The following LRRK2 variants were observed in gnomAD, a reference collection of about 807,000 sequenced individuals.
The protein encoded by LRRK2 is leucine rich repeat kinase 2, also known as leucine-rich repeat serine/threonine-protein kinase 2.
In LRRK2, 203 loss-of-function variants were observed where a neutral mutation model predicts 302.6. The ratio of observed to expected loss-of-function variants is 0.67; its 90% confidence interval spans 0.60 to 0.75. The LOEUF (loss-of-function observed/expected upper bound fraction) is 0.75. Among genes scored for constraint, LRRK2 ranks in the 30% least tolerant of loss-of-function variants. The probability of loss-of-function intolerance (pLI) is 0.00; values close to 1 mark genes in which losing one functional copy is unlikely to be tolerated. For synonymous variants in LRRK2, 1,066 were observed against 1,031.9 expected, an observed-to-expected ratio of 1.03 and a Z score of -0.63; for missense variants, 2,830 against 2,951.0, an observed-to-expected ratio of 0.96 and a Z score of 0.95.
intron 13 of LRRK2, 24 bp downstream of exon 13, chr12:40,259,628 G>C: frequency 1.2e-6 from 2 of 1,612,178 alleles, no homozygotes; most frequent in Non-Finnish European, 1.7e-6. Context: ...TTGATTGTGG[G>C]AAGAGATAAC....
chr12:40,267,398 T>C (rs1015825979), intron 14 of LRRK2, among the ~76,000 whole-genome samples: 5 of 152,104 alleles, frequency 3.3e-5, no homozygotes, highest in African/African-American at 1.2e-4. Flanking sequence ...TTTAAGTACG[T>C]AGAGGAGGGA....
chr12:40,263,682 C>T, intron 13 of LRRK2, 107 bp from the exon 14 acceptor site: 2 of 761,252 alleles, frequency 2.6e-6, no homozygotes, highest in Non-Finnish European at 4.4e-6. Flanking sequence ...AAAAGTACAA[C>T]ACATATATTG....
At chr12:40,243,809 C>A in intron 7 of LRRK2, 128 bp downstream of exon 7, 1 of 940,496 alleles carries the variant, frequency 1.1e-6, no homozygotes, top group South Asian at 1.5e-5. Flanking sequence ...TTGTAAAATC[C>A]CAGAAAAAAT....
At chr12:40,256,641 G>A (rs571009542) in intron 11 of LRRK2, among the ~76,000 whole-genome samples, 2 of 152,218 alleles carry the variant, frequency 1.3e-5, no homozygotes, top group East Asian at 3.9e-4. Flanking sequence ...TGTATATGAT[G>A]GCATATATAG....
Position 40,302,512 on chromosome 12 carries a change from T to G in LRRK2, c.3497-277T>G, listed in dbSNP as rs111985325. On this transcript the variant is annotated intron_variant, in intron 25 of 50. Transcript: ENST00000298910. The stretch of plus-strand genomic sequence containing the variant: ...TAATTTGAAATGAATATTCTAGGAA[T>G]TTTTACTTTGTACAAATGTTGGGTA... Among the ~76,000 whole-genome samples the G allele has an allele frequency of 0.013, 1,936 of 152,252 alleles. 47 individuals carry two copies. The highest frequency in any genetic ancestry group is 0.044 in the African/African-American group (1,838 of 41,566).
At chr12:40,227,106 T>A (rs1333351883) in intron 2 of LRRK2, among the ~76,000 whole-genome samples, 3 of 152,184 alleles carry the variant, frequency 2.0e-5, no homozygotes, top group Non-Finnish European at 4.4e-5. Context: ...TCACTTAGTA[T>A]TTCTGCCTAG....
chr12:40,240,463 T>C lies in LRRK2; in HGVS notation c.572-20T>C, dbSNP rs779427065. On this transcript the variant is annotated intron_variant, in intron 5 of 50. Coordinates refer to ENST00000298910, the MANE Select transcript of LRRK2 (RefSeq NM_198578.4). Reference sequence around the variant, plus strand: ...ATATCATCTTTAAGCTTATTCAGTATTTTGTCTTTCATTTTTAAGTCTCAG... The same window carrying C: ...ATATCATCTTTAAGCTTATTCAGTACTTTGTCTTTCATTTTTAAGTCTCAG... 1.2e-6 allele frequency: 2 copies of C among 1,606,856 alleles called. No individual in the cohort carries two copies. The highest frequency in any genetic ancestry group is 4.5e-5 in the East Asian group (2 of 44,704).
intron 40 of LRRK2, among the ~76,000 whole-genome samples, chr12:40,338,623 C>A (rs1431288380): frequency 1.3e-5 from 2 of 152,150 alleles, no homozygotes; most frequent in Admixed American, 6.5e-5. Flanking sequence ...AACTGCACTT[C>A]TTAAGATTAA....
At chr12:40,229,264 A>G (rs1281027806) in intron 2 of LRRK2, among the ~76,000 whole-genome samples, 1 of 152,162 alleles carries the variant, frequency 6.6e-6, no homozygotes, top group African/African-American at 2.4e-5. Flanking sequence ...AAAAACTCTT[A>G]ATGATAAATT....
chr12:40,307,071 T>C (rs1944850895), intron 28 of LRRK2, among the ~76,000 whole-genome samples: 1 of 151,172 alleles, frequency 6.6e-6, no homozygotes, highest in Admixed American at 6.6e-5. Context: ...ATTTAATATA[T>C]AACTAAATAT....
rs777298637 is a variant in LRRK2, at chr12:40,310,497, C to T, written c.4384C>T (p.Arg1462Cys). The T allele has an allele frequency of 1.5e-5, 24 of 1,612,568 alleles. No individual in the cohort carries two copies. Among genetic ancestry groups the T allele is most frequent in the African/African-American group, 4.0e-5 (3 of 74,400 alleles). Residue 1462 changes from arginine (R) to cysteine (C), a missense_variant, in exon 31 of 51, where the codon CGC (arginine) becomes TGC (cysteine). Around this residue, in one of 3 missense-constraint regions of LRRK2, gnomAD observed 2,121 missense variants for 2,148.0 expected, o/e 0.99. Transcript: ENST00000298910. The part of the protein sequence containing the change: ...THLDVSDEKQ[R>C]KACMSKITKE... Reference sequence around the variant, plus strand: ...TTTGGATGTTTCTGATGAGAAGCAACGCAAAGCCTGCATGAGTAAAATCAC... The same window carrying T: ...TTTGGATGTTTCTGATGAGAAGCAATGCAAAGCCTGCATGAGTAAAATCAC...
chr12:40,348,537 G>A, intron 43 of LRRK2, 28 bp downstream of exon 43: 4 of 1,439,084 alleles, frequency 2.8e-6, no homozygotes, highest in Non-Finnish European at 3.9e-6. Context: ...TTAATATTTT[G>A]TACAGAACAT....
chr12:40,287,666 C>G (rs1157014786), intron 20 of LRRK2, 127 bp downstream of exon 20: 2 of 915,918 alleles, frequency 2.2e-6, no homozygotes, highest in Non-Finnish European at 3.3e-6. Flanking sequence ...TTTATTATCG[C>G]AAACAGTTAA....
intron 47 of LRRK2, among the ~76,000 whole-genome samples, chr12:40,360,234 G>A (rs998221308): frequency 6.6e-6 from 1 of 151,912 alleles, no homozygotes; most frequent in African/African-American, 2.4e-5. Flanking sequence ...TTAATATATG[G>A]ATCTTAATTA....
chr12:40,290,674 G>A (rs73263894), intron 20 of LRRK2, among the ~76,000 whole-genome samples: 1 of 152,032 alleles, frequency 6.6e-6, no homozygotes, highest in African/African-American at 2.4e-5. Context: ...AAATTTATTT[G>A]TTTAATGTTA....
At chr12:40,239,225 ACT>A (rs1316174022) in intron 5 of LRRK2, among the ~76,000 whole-genome samples, 1 of 152,150 alleles carries the variant, frequency 6.6e-6, no homozygotes, top group Non-Finnish European at 1.5e-5. Context: ...AGCGAGAGTG[ACT>A]CTGTCAAAAG....
chr12:40,240,626 C>G lies in LRRK2; in HGVS notation c.706+9C>G, dbSNP rs116460050. The G allele has an allele frequency of 6.2e-7, 1 of 1,611,214 alleles. No homozygotes were observed. The highest frequency in any genetic ancestry group is 1.3e-5 in the African/African-American group (1 of 74,936). ...TTCCCTAGCGATTCCTTGTAAGTAG[C>G]ATTTAAATGTTATTTATTTTTTGTA... On this transcript the variant is annotated intron_variant, in intron 6 of 50. Coordinates refer to ENST00000298910, the MANE Select transcript of LRRK2 (RefSeq NM_198578.4).
rs755075477 is a variant in LRRK2 at position 40,367,733 on chromosome 12, G to A, written c.7552G>A (p.Ala2518Thr). 12 of 1,604,796 alleles carry A rather than the reference G, an allele frequency of 7.5e-6. No homozygotes were observed. The highest frequency in any genetic ancestry group is 1.0e-5 in the Non-Finnish European group (12 of 1,174,708). ...ACACATTGAAGTGAGAAAAGAATTA[G>A]CTGAAAAAATGAGACGAACATCTGT... Reference protein sequence around the residue: ...EKHIEVRKELAEKMRRTSVE With the variant: ...EKHIEVRKELTEKMRRTSVE Residue 2518 changes from alanine (A) to threonine (T), a missense_variant, in exon 51 of 51, where the codon GCT (alanine) becomes ACT (threonine). Physicochemically the swap from Ala to Thr is moderately conservative, Grantham distance 58. Around this residue, in one of 3 missense-constraint regions of LRRK2, gnomAD observed 456 missense variants for 456.3 expected, o/e 1.00. Coordinates refer to ENST00000298910, the MANE Select transcript of LRRK2 (RefSeq NM_198578.4).
intron 18 of LRRK2, among the ~76,000 whole-genome samples, chr12:40,283,623 G>A (rs1258284127): frequency 6.6e-6 from 1 of 152,158 alleles, no homozygotes; most frequent in Admixed American, 6.5e-5. Flanking sequence ...GTGGAGCTTT[G>A]TCTCCATATA....
Sources: gnomAD v4.1 joint callset for allele counts (sites outside exome capture counted in the v4.1 genomes callset) on GRCh38, gnomAD v4.1.1 for gene constraint, gnomAD v4.1.1 regional missense constraint, MANE v1.5 for transcripts, NCBI Gene and HGNC (gene_info 2026-07-23, HGNC 2026-07-21) for gene names.